CEP63: variants seen among roughly 807,000 people sequenced by gnomAD.
The protein encoded by CEP63 is centrosomal protein 63, also known as centrosomal protein of 63 kDa.
In CEP63, 84 loss-of-function variants were observed where a neutral mutation model predicts 89.1. The ratio of observed to expected loss-of-function variants is 0.94; its 90% CI spans 0.79 to 1.13. The LOEUF is 1.13. Among genes scored for constraint, CEP63 ranks in the 50% most tolerant of loss-of-function variants. CEP63 has a pLI of 0.00. For synonymous variants in CEP63, 267 were observed against 272.5 expected (o/e 0.98, Z 0.20); for missense variants, 838 against 813.3 (o/e 1.03, Z -0.37).
At chr3:134,503,352 G>T (rs1441773313) in intron 2 of CEP63, among the ~76,000 whole-genome samples, 1 of 151,808 alleles carries the variant, frequency 6.6e-6, no homozygotes, top group East Asian at 1.9e-4. Context: ...TTGATTTTTA[G>T]CTTTTGTCCA....
At chr3:134,767,801 G>A in the CEP63 span, among the ~76,000 whole-genome samples, 2 of 152,188 alleles carry the variant, frequency 1.3e-5, no homozygotes, top group South Asian at 4.1e-4. Context: ...GCCATGCTCT[G>A]TTCAGGGAAC....
intron 2 of CEP63, among the ~76,000 whole-genome samples, chr3:134,505,801 G>T (rs1364534916): frequency 6.6e-6 from 1 of 152,184 alleles, no homozygotes; most frequent in African/African-American, 2.4e-5. Context: ...CCTGTCCTCA[G>T]GTCCCTAAGT....
the CEP63 span, among the ~76,000 whole-genome samples, chr3:134,760,349 G>C: frequency 2.0e-5 from 3 of 152,068 alleles, no homozygotes; most frequent in Non-Finnish European, 2.9e-5. Flanking sequence ...CTGAGCCACC[G>C]CGCCCGGCCA....
Position 134,545,640 on chromosome 3 carries a change from T to C in CEP63, c.610T>C (p.Ser204Pro). 6.2e-7 allele frequency: 1 copy of C among 1,614,082 alleles called. No individual in the cohort carries two copies. Among genetic ancestry groups the C allele is most frequent in the South Asian group, 1.1e-5 (1 of 91,078 alleles). The change falls in exon 7 of 15, where the codon TCA becomes CCA. Residue 204 changes from serine to proline, a missense_variant. Physicochemically the swap from Ser to Pro is moderately conservative, Grantham distance 74 (BLOSUM62 -1). Coordinates refer to ENST00000675561, the MANE Select transcript of CEP63 (RefSeq NM_001353108.3). ...AGAGTCTGTGGAACTTTCTAGCCAA[T>C]CAGAAATTCAACACTTAAGCAGTAA... The part of the protein sequence containing the change: ...KLESVELSSQ[S>P]EIQHLSSKLE...
At chr3:134,743,612 G>A in the CEP63 span, among the ~76,000 whole-genome samples, 1 of 152,078 alleles carries the variant, frequency 6.6e-6, no homozygotes, top group African/African-American at 2.4e-5. Context: ...CTTGACTAGG[G>A]GTTCACATCC....
At chr3:134,737,904 C>T in the CEP63 span, among the ~76,000 whole-genome samples, 3,232 of 152,192 alleles carry the variant, frequency 0.021, 113 homozygotes, top group African/African-American at 0.074. Context: ...TTTTCCCATG[C>T]GGTCTCTCAA....
the CEP63 span, among the ~76,000 whole-genome samples, chr3:134,687,879 C>G: frequency 6.6e-6 from 1 of 152,146 alleles, no homozygotes; most frequent in South Asian, 2.1e-4. Flanking sequence ...AATTCACAAC[C>G]CACAAATAGC....
At chr3:134,580,423 G>A (rs1958317867) in intron 10 of CEP63, among the ~76,000 whole-genome samples, 1 of 152,140 alleles carries the variant, frequency 6.6e-6, no homozygotes, top group African/African-American at 2.4e-5. Flanking sequence ...CTTATACAGA[G>A]TGAATTTTAT....
downstream of CEP63, among the ~76,000 whole-genome samples, chr3:134,568,530 C>T (rs1957880951): frequency 1.3e-5 from 2 of 152,168 alleles, no homozygotes; most frequent in African/African-American, 4.8e-5. Flanking sequence ...ACAGGCCCCT[C>T]AGCCCAGCAT....
chr3:134,697,733 C>T, the CEP63 span, among the ~76,000 whole-genome samples: 27 of 152,312 alleles, frequency 1.8e-4, 1 homozygote, highest in African/African-American at 5.8e-4. Context: ...TTCCCACGTT[C>T]GTGTCAACTG....
At chr3:134,770,007 G>C in the CEP63 span, among the ~76,000 whole-genome samples, 6 of 152,202 alleles carry the variant, frequency 3.9e-5, no homozygotes, top group African/African-American at 1.4e-4. Context: ...TCATTGCATT[G>C]GTGTGCAGCA....
At chr3:134,548,178 A>C (rs944440645) in intron 9 of CEP63, among the ~76,000 whole-genome samples, 1 of 152,200 alleles carries the variant, frequency 6.6e-6, no homozygotes, top group African/African-American at 2.4e-5. Context: ...GTCTCCGTCA[A>C]GTTATTTCCA....
the CEP63 span, among the ~76,000 whole-genome samples, chr3:134,635,515 G>A: frequency 4.2e-5 from 2 of 47,204 alleles, no homozygotes; most frequent in Admixed American, 1.9e-4. Flanking sequence ...AAAAAAAAAA[G>A]TACTTCTCAA....
the CEP63 span, among the ~76,000 whole-genome samples, chr3:134,738,249 T>C: frequency 1.0e-4 from 15 of 145,596 alleles, no homozygotes; most frequent in East Asian, 4.0e-4. Context: ...TATTCCATCA[T>C]ACACACACAC....
chr3:134,555,816 G>C (rs1024968144), intron 12 of CEP63, among the ~76,000 whole-genome samples: 4 of 152,028 alleles, frequency 2.6e-5, no homozygotes, highest in African/African-American at 9.7e-5. Context: ...GCATCGCCAA[G>C]TCAATCCTAA....
chr3:134,654,126 C>T, the CEP63 span, among the ~76,000 whole-genome samples: 1 of 152,202 alleles, frequency 6.6e-6, no homozygotes, highest in South Asian at 2.1e-4. Flanking sequence ...ATCCAGCTGT[C>T]AGCAGCCCTG....
At chr3:134,740,271 TTTA>T in the CEP63 span, among the ~76,000 whole-genome samples, 1 of 38,280 alleles carries the variant, frequency 2.6e-5, no homozygotes, top group Non-Finnish European at 8.8e-5. Flanking sequence ...TTTTCTTTTA[TTTA>T]TTTATTTATT....
chr3:134,507,226 G>GA lies in CEP63; in HGVS notation c.166dup (p.Ile56AsnfsTer3). On this transcript the variant is annotated frameshift_variant, in exon 3 of 15. Coordinates refer to ENST00000675561, the MANE Select transcript of CEP63 (RefSeq NM_001353108.3). LOFTEE classifies it high-confidence loss of function. The stretch of plus-strand genomic sequence containing the variant: ...GTACACATGCTCTAGAAACTTGCTT[G>GA]AAAATCCGTGAACAGGAACTTAAGA... 6.2e-7 allele frequency: 1 copy of GA among 1,613,800 alleles called. No homozygotes were observed. Among genetic ancestry groups the GA allele is most frequent in the South Asian group, 1.1e-5 (1 of 91,068 alleles).
the CEP63 span, among the ~76,000 whole-genome samples, chr3:134,696,852 C>T: frequency 4.3e-4 from 65 of 152,258 alleles, no homozygotes; most frequent in African/African-American, 1.6e-3. Context: ...GTCCACTTTC[C>T]CATTATTGCA....
Sources: gnomAD v4.1 joint callset for allele counts (sites outside exome capture counted in the v4.1 genomes callset) on GRCh38, gnomAD v4.1.1 for gene constraint, MANE v1.5 for transcripts, NCBI Gene and HGNC (gene_info 2026-07-23, HGNC 2026-07-21) for gene names.